The following ESRRG variants were observed in gnomAD, a reference collection of about 807,000 sequenced individuals.
The protein encoded by ESRRG is estrogen-related receptor gamma.
ESRRG carries 13 observed loss-of-function variants against 44.0 expected under a neutral mutation model. The observed-to-expected ratio is 0.30, with a 90% CI of 0.19 to 0.47. The LOEUF is 0.47. ESRRG is among the 20% of genes least tolerant of loss of function. The probability of loss-of-function intolerance (pLI) is 1.00; values close to 1 mark genes in which losing one functional copy is unlikely to be tolerated. For missense variants in ESRRG, 395 were observed against 580.6 expected (o/e 0.68, Z 3.29); for synonymous variants, 215 against 214.6 (o/e 1.00, Z -0.02).
At chr1:217,043,780 A>G (rs2084323918) in intron 1 of ESRRG, among the ~76,000 whole-genome samples, 1 of 152,160 alleles carries the variant, frequency 6.6e-6, no homozygotes, top group African/African-American at 2.4e-5. Context: ...GTCAAAAACT[A>G]AGAACTCAAA....
rs555644067 is a variant in ESRRG at position 216,976,998 on chromosome 1, T to C, written c.-105-37325A>G. ...GGAGATGGAGTCATTTCCTTTCTTA[T>C]GTAGTGCTCACTTAGTATAAGTCAT... On this transcript the variant is annotated intron_variant, in intron 1 of 7. Transcript: ENST00000359162. Among the ~76,000 whole-genome samples, 3 of 152,256 alleles carry C rather than the reference T, an allele frequency of 2.0e-5. No homozygotes were observed. In the East Asian group the frequency reaches 5.8e-4, roughly 29 times the overall value.
chr1:216,741,055 CT>C (rs1271811892), intron 2 of ESRRG, among the ~76,000 whole-genome samples: 1 of 151,480 alleles, frequency 6.6e-6, no homozygotes, highest in Non-Finnish European at 1.5e-5. Context: ...ACAGTCCCCC[CT>C]CTCTCTTCTT....
chr1:216,912,717 A>T (rs2060621093), intron 2 of ESRRG, among the ~76,000 whole-genome samples: 1 of 152,210 alleles, frequency 6.6e-6, no homozygotes, highest in South Asian at 2.1e-4. Context: ...GTGTGCATAT[A>T]TAGGTATATA....
At chr1:217,088,750 G>T (rs2092247759) in intron 1 of ESRRG, among the ~76,000 whole-genome samples, 1 of 152,030 alleles carries the variant, frequency 6.6e-6, no homozygotes, top group South Asian at 2.1e-4. Flanking sequence ...GGAAAAGGTT[G>T]CCGGAAGGGA....
In ESRRG at chr1:216,503,787, A is replaced by G. The variant is rs1016921153; in HGVS notation, c.*3152T>C. 4 of 152,592 alleles carry G rather than the reference A, an allele frequency of 2.6e-5. No individual in the cohort carries two copies. Among genetic ancestry groups the G allele is most frequent in the Non-Finnish European group, 5.9e-5 (4 of 68,004 alleles). The allele number at this position is 152,592 out of a possible 1,614,324, so 9.5% of individuals were successfully genotyped here. A position where few individuals can be genotyped will look rare whatever the true frequency, so the allele number is the denominator to read the frequency against. On this transcript the variant is annotated 3_prime_UTR_variant, in exon 7 of 7. Transcript: ENST00000408911. ...AACAATCTGATCTGATTGAAACACA[A>G]GTGTAACTACAAGGAGTCACACAAT...
At chr1:216,948,031 A>ATCATC (rs1425341345) in intron 1 of ESRRG, among the ~76,000 whole-genome samples, 2 of 147,828 alleles carry the variant, frequency 1.4e-5, no homozygotes, top group African/African-American at 5.4e-5. Flanking sequence ...TGGCCTTGAA[A>ATCATC]TCATCACTTG....
chr1:216,742,943 T>A (rs1052290023), intron 2 of ESRRG, among the ~76,000 whole-genome samples: 2 of 152,068 alleles, frequency 1.3e-5, no homozygotes, highest in Non-Finnish European at 1.5e-5. Flanking sequence ...GCAAAATGAG[T>A]GTAGCATTGA....
chr1:216,950,050 T>G (rs1447522896), intron 1 of ESRRG, among the ~76,000 whole-genome samples: 1 of 150,962 alleles, frequency 6.6e-6, no homozygotes, highest in Non-Finnish European at 1.5e-5. Flanking sequence ...TGACCTCAGG[T>G]GATCAAACTG....
At chr1:217,022,068 A>G (rs1438289185) in intron 1 of ESRRG, among the ~76,000 whole-genome samples, 2 of 152,248 alleles carry the variant, frequency 1.3e-5, no homozygotes, top group African/African-American at 4.8e-5. Flanking sequence ...GGTCTCATCC[A>G]CAGCAGAATA....
chr1:216,566,170 A>G (rs185312380), intron 4 of ESRRG, among the ~76,000 whole-genome samples: 39 of 152,138 alleles, frequency 2.6e-4, no homozygotes, highest in African/African-American at 8.7e-4. Context: ...ATAGAACCCA[A>G]TTTTCATTCT....
At chr1:217,123,136 A>G (rs1421731372) in intron 1 of ESRRG, among the ~76,000 whole-genome samples, 1 of 152,124 alleles carries the variant, frequency 6.6e-6, no homozygotes, top group Non-Finnish European at 1.5e-5. Context: ...AATGCTAACC[A>G]ATGGAAATGG....
At chr1:216,550,967 T>C (rs901073961) in intron 5 of ESRRG, among the ~76,000 whole-genome samples, 2 of 152,068 alleles carry the variant, frequency 1.3e-5, no homozygotes, top group African/African-American at 4.8e-5. Context: ...AACATGGGAA[T>C]AGAGAGCCGC....
chr1:217,101,963 C>T (rs757179256), intron 1 of ESRRG, among the ~76,000 whole-genome samples: 3 of 152,004 alleles, frequency 2.0e-5, no homozygotes, highest in African/African-American at 4.8e-5. Context: ...TGCGCCACCA[C>T]GCCTGGCTAA....
intron 1 of ESRRG, among the ~76,000 whole-genome samples, chr1:216,942,656 A>C (rs182982694): frequency 2.0e-5 from 3 of 152,220 alleles, no homozygotes; most frequent in Admixed American, 2.0e-4. Context: ...TATTTCCCTG[A>C]TAATTAGTGA....
intron 1 of ESRRG, among the ~76,000 whole-genome samples, chr1:216,951,562 A>C (rs2066950940): frequency 6.6e-6 from 1 of 152,146 alleles, no homozygotes; most frequent in Non-Finnish European, 1.5e-5. Context: ...AAAGAGCTAA[A>C]TCAGGAATCA....
intron 2 of ESRRG, among the ~76,000 whole-genome samples, chr1:216,672,006 CA>C (rs1157267709): frequency 4.3e-5 from 6 of 138,588 alleles, no homozygotes; most frequent in Admixed American, 7.3e-5. Flanking sequence ...GAGAAGTTCC[CA>C]AAAAAAAAGA....
At chr1:216,571,500 C>T (rs952660181) in intron 3 of ESRRG, among the ~76,000 whole-genome samples, 1 of 152,072 alleles carries the variant, frequency 6.6e-6, no homozygotes, top group African/African-American at 2.4e-5. Flanking sequence ...TTATCAAATA[C>T]ATTCCATTAC....
intron 3 of ESRRG, among the ~76,000 whole-genome samples, chr1:216,620,786 GT>G (rs1407922285): frequency 6.6e-6 from 1 of 152,130 alleles, no homozygotes; most frequent in African/African-American, 2.4e-5. Flanking sequence ...CTTATCCACT[GT>G]CCTTTGAACT....
In ESRRG at chr1:216,650,893, T is replaced by C. The variant is rs576404646; in HGVS notation, c.589+80A>G. Reference sequence around the variant, plus strand: ...ACTGTTACCTCATCTTTTTCTGGTTTCTCTAAAACTGGTGGAATTTTTTGC... The same window carrying C: ...ACTGTTACCTCATCTTTTTCTGGTTCCTCTAAAACTGGTGGAATTTTTTGC... On this transcript the variant is annotated intron_variant, in intron 3 of 6. Coordinates refer to ENST00000408911, the MANE Select transcript of ESRRG (RefSeq NM_001438.4). The C allele has an allele frequency of 3.7e-6, 3 of 820,878 alleles. No individual in the cohort carries two copies. In the Admixed American group the frequency reaches 5.4e-5, roughly 15 times the overall value. The allele number at this position is 820,878 out of a possible 1,614,324, so 50.8% of individuals were successfully genotyped here. A position where few individuals can be genotyped will look rare whatever the true frequency, so the allele number is the denominator to read the frequency against.
Sources: gnomAD v4.1 joint callset for allele counts (sites outside exome capture counted in the v4.1 genomes callset) on GRCh38, gnomAD v4.1.1 for gene constraint, MANE v1.5 for transcripts, NCBI Gene and HGNC (gene_info 2026-07-23, HGNC 2026-07-21) for gene names.